Variants in ERBB4 observed in about 807,000 individuals in gnomAD.
The protein encoded by ERBB4 is receptor tyrosine-protein kinase erbB-4.
ERBB4 carries 42 observed loss-of-function variants against 158.0 expected under a neutral mutation model. The observed-to-expected ratio is 0.27, with a 90% CI of 0.21 to 0.34. The LOEUF is 0.34. Among genes scored for constraint, ERBB4 ranks in the 10% least tolerant of loss-of-function variants. The pLI is 1.00. For missense variants in ERBB4, 1,333 were observed against 1,624.1 expected, an observed-to-expected ratio of 0.82 and a Z score of 3.08; for synonymous variants, 583 against 558.7, an observed-to-expected ratio of 1.04 and a Z score of -0.61.
chr2:211,716,882 A>G (rs980147865), intron 7 of ERBB4, among the ~76,000 whole-genome samples: 3 of 152,222 alleles, frequency 2.0e-5, no homozygotes, highest in Non-Finnish European at 4.4e-5. Flanking sequence ...AAACTAATCT[A>G]AGAAAGGAAG....
At chr2:212,143,667 T>C (rs2080560113) in intron 1 of ERBB4, among the ~76,000 whole-genome samples, 1 of 152,120 alleles carries the variant, frequency 6.6e-6, no homozygotes, top group South Asian at 2.1e-4. Flanking sequence ...GAGTGAATAA[T>C]ATCTTCAATG....
chr2:212,255,027 T>C (rs1023807855), intron 1 of ERBB4, among the ~76,000 whole-genome samples: 2 of 152,192 alleles, frequency 1.3e-5, no homozygotes, highest in African/African-American at 2.4e-5. Context: ...TCCACCTTTA[T>C]ACACATGTGC....
chr2:211,999,041 T>G (rs1237246787), intron 2 of ERBB4, among the ~76,000 whole-genome samples: 1 of 151,782 alleles, frequency 6.6e-6, no homozygotes, highest in Non-Finnish European at 1.5e-5. Flanking sequence ...CTTAGAATAT[T>G]TTTATTTTAA....
Position 211,585,571 on chromosome 2 carries a change from T to A in ERBB4, c.2302-23483A>T, listed in dbSNP as rs1159022836. Among the ~76,000 whole-genome samples the A allele has an allele frequency of 3.9e-5, 6 of 152,112 alleles. No homozygotes were observed. The East Asian group carries it at 1.2e-3, about 29-fold the overall frequency. On this transcript the variant is annotated intron_variant, in intron 19 of 27. Coordinates refer to ENST00000342788, the MANE Select transcript of ERBB4 (RefSeq NM_005235.3). ...ATATTTAATTATACATGTTTAAAAA[T>A]TAAATCAGTTTATTAACTTCAATAT...
At chr2:211,489,677 ATGAAGGTAT>A (rs1405773043) in intron 20 of ERBB4, among the ~76,000 whole-genome samples, 1 of 152,004 alleles carries the variant, frequency 6.6e-6, no homozygotes, top group African/African-American at 2.4e-5. Context: ...AAAAGTGAAT[ATGAAGGTAT>A]TGATTTAATA....
intron 2 of ERBB4, among the ~76,000 whole-genome samples, chr2:212,012,303 T>A (rs1165386508): frequency 1.3e-5 from 2 of 152,198 alleles, no homozygotes; most frequent in Non-Finnish European, 2.9e-5. Context: ...TCATTGTTTA[T>A]TTTAAGACGA....
Position 211,564,449 on chromosome 2 carries a change from T to C in ERBB4, c.2302-2361A>G, listed in dbSNP as rs116772183. Among the ~76,000 whole-genome samples the C allele has an allele frequency of 3.5e-3, 534 of 152,086 alleles. 5 individuals carry two copies. Among genetic ancestry groups the C allele is most frequent in the African/African-American group, 0.012 (515 of 41,496 alleles). On this transcript the variant is annotated intron_variant, in intron 19 of 27. Coordinates refer to ENST00000342788, the MANE Select transcript of ERBB4 (RefSeq NM_005235.3). ...GGAAAGAGAAGTACTCTGGGGAAAA[T>C]AGAAGTATTATGTAAATTTACATAT... is the stretch of plus-strand genomic sequence containing the variant.
chr2:212,058,798 A>G (rs1421406563), intron 2 of ERBB4, among the ~76,000 whole-genome samples: 10 of 152,210 alleles, frequency 6.6e-5, no homozygotes, highest in Admixed American at 6.5e-4. Context: ...TCTCAAAATA[A>G]TAAGAGCTTT....
chr2:211,943,738 G>T (rs1267715267), intron 3 of ERBB4, among the ~76,000 whole-genome samples: 1 of 151,832 alleles, frequency 6.6e-6, no homozygotes, highest in Non-Finnish European at 1.5e-5. Context: ...TTTCTATTTG[G>T]CCAGAAAAAT....
chr2:211,761,984 GA>G (rs1351455374), intron 4 of ERBB4, among the ~76,000 whole-genome samples: 1 of 152,152 alleles, frequency 6.6e-6, no homozygotes, highest in Non-Finnish European at 1.5e-5. Flanking sequence ...TCTTCATTAA[GA>G]AAATACAGGT....
chr2:211,871,224 G>C (rs972193082), intron 3 of ERBB4, among the ~76,000 whole-genome samples: 7 of 152,154 alleles, frequency 4.6e-5, no homozygotes, highest in African/African-American at 1.7e-4. Flanking sequence ...GCTGCCAAAA[G>C]ATATTTGGGC....
At chr2:211,681,380 G>A (rs2072326396) in intron 12 of ERBB4, among the ~76,000 whole-genome samples, 1 of 152,102 alleles carries the variant, frequency 6.6e-6, no homozygotes, top group Non-Finnish European at 1.5e-5. Context: ...AAATACCCAG[G>A]AGAGGAGTGG....
chr2:211,649,273 T>A (rs2070894048), intron 16 of ERBB4, among the ~76,000 whole-genome samples: 1 of 151,864 alleles, frequency 6.6e-6, no homozygotes, highest in Admixed American at 6.6e-5. Flanking sequence ...TGAATGGCAA[T>A]AGTGACTACT....
chr2:211,820,225 C>T (rs2076964704), intron 3 of ERBB4, among the ~76,000 whole-genome samples: 2 of 151,882 alleles, frequency 1.3e-5, no homozygotes, highest in African/African-American at 2.4e-5. Context: ...GCTTGCTTAA[C>T]AGCAGCAACA....
intron 1 of ERBB4, among the ~76,000 whole-genome samples, chr2:212,282,947 A>C (rs535389908): frequency 6.6e-6 from 1 of 152,108 alleles, no homozygotes; most frequent in East Asian, 1.9e-4. Flanking sequence ...GGGTAGACAA[A>C]CTGCCAAATA....
At chr2:211,417,997 G>A (rs1166568611) in intron 25 of ERBB4, among the ~76,000 whole-genome samples, 2 of 151,934 alleles carry the variant, frequency 1.3e-5, no homozygotes, top group African/African-American at 2.4e-5. Flanking sequence ...TTTAGAAAAT[G>A]AGGAAACAAA....
intron 16 of ERBB4, among the ~76,000 whole-genome samples, chr2:211,637,467 G>A (rs1237791229): frequency 6.6e-6 from 1 of 151,902 alleles, no homozygotes; most frequent in African/African-American, 2.4e-5. Flanking sequence ...AGCACACAGG[G>A]TGTCACTAGC....
chr2:211,790,899 T>C (rs1180665485), intron 3 of ERBB4, among the ~76,000 whole-genome samples: 1 of 151,992 alleles, frequency 6.6e-6, no homozygotes, highest in East Asian at 1.9e-4. Context: ...ATAGGACAGT[T>C]TTAATGTACA....
At chr2:211,813,071 A>T (rs555142715) in intron 3 of ERBB4, among the ~76,000 whole-genome samples, 1 of 152,150 alleles carries the variant, frequency 6.6e-6, no homozygotes, top group Non-Finnish European at 1.5e-5. Context: ...AATAGTCCCA[A>T]TGAGATGAAC....
Sources: allele counts gnomAD v4.1 joint callset (sites outside exome capture counted in the v4.1 genomes callset), GRCh38; gene constraint gnomAD v4.1.1; transcripts MANE v1.5; gene names NCBI Gene and HGNC (gene_info 2026-07-23, HGNC 2026-07-21).